Variants in LMO1 observed in about 807,000 individuals in gnomAD.
LMO1 encodes the protein LIM domain only 1.
Under a neutral mutation model 18.0 loss-of-function variants are expected in LMO1, and 10 were observed. The observed-to-expected ratio is 0.55, with a 90% CI of 0.34 to 0.94. The LOEUF (loss-of-function observed/expected upper bound fraction) is 0.94. Among genes scored for constraint, LMO1 ranks in the 40% least tolerant of loss-of-function variants. LMO1 has a pLI of 0.02. For missense variants in LMO1, 183 were observed against 205.7 expected (o/e 0.89, Z 0.68); for synonymous variants, 77 against 77.9 (o/e 0.99, Z 0.06).
Position 8,241,921 on chromosome 11 carries a change from A to G in LMO1, c.26-11417T>C, listed in dbSNP as rs115087334. Among the ~76,000 whole-genome samples, 313 of 152,290 alleles carry G rather than the reference A, an allele frequency of 2.1e-3. 3 individuals carry two copies. The highest frequency in any genetic ancestry group is 7.1e-3 in the African/African-American group (295 of 41,570). The stretch of plus-strand genomic sequence containing the variant: ...CCCAGTGTTGTGCCCCACAGCAGTC[A>G]TTGTTTAGCCATCAGCTCAATTCAT... On this transcript the variant is annotated intron_variant, in intron 1 of 3. Transcript: ENST00000335790.
chr11:8,244,203 A>G (rs1380970145), intron 1 of LMO1, among the ~76,000 whole-genome samples: 2 of 152,184 alleles, frequency 1.3e-5, no homozygotes, highest in Non-Finnish European at 1.5e-5. Context: ...GATCACATAT[A>G]GGAGAGGAGG....
At chr11:8,262,958 G>A (rs1267819717) in intron 1 of LMO1, among the ~76,000 whole-genome samples, 1 of 152,178 alleles carries the variant, frequency 6.6e-6, no homozygotes, top group Non-Finnish European at 1.5e-5. Flanking sequence ...TGATGGCTGC[G>A]GTGAGAGCAG....
intron 1 of LMO1, among the ~76,000 whole-genome samples, chr11:8,231,532 A>G (rs1335294313): frequency 6.6e-6 from 1 of 152,216 alleles, no homozygotes; most frequent in African/African-American, 2.4e-5. Context: ...AGGGAAGTGC[A>G]GAGGACCTCA....
intron 1 of LMO1, among the ~76,000 whole-genome samples, chr11:8,241,449 G>A (rs370923570): frequency 2.0e-5 from 3 of 152,198 alleles, no homozygotes; most frequent in Non-Finnish European, 4.4e-5. Flanking sequence ...CCAATGGCCT[G>A]AGAATAACAC....
Position 8,253,604 on chromosome 11 carries a change from C to T in LMO1, c.25+9734G>A, listed in dbSNP as rs1847040668. On this transcript the variant is annotated intron_variant, in intron 1 of 3. Transcript: ENST00000335790. ...CGCAGGTAGCCCCACACAGTCCTTC[C>T]TGGATACTGTCGTCAGGATTGGGGT... Among the ~76,000 whole-genome samples the T allele has an allele frequency of 3.3e-5, 5 of 152,156 alleles. No individual in the cohort carries two copies. The South Asian group carries it at 1.0e-3, about 32-fold the overall frequency.
chr11:8,258,027 C>T lies in LMO1; in HGVS notation c.25+5311G>A, dbSNP rs113957556. On this transcript the variant is annotated intron_variant, in intron 1 of 3. Transcript: ENST00000335790. ...GATATGGCTGTTCTCACTGTAGAGA[C>T]GAGAAGGTAGAGAGGCAAAGGTTTG... Among the ~76,000 whole-genome samples the T allele has an allele frequency of 4.2e-3, 633 of 152,240 alleles. 3 individuals carry two copies. Among genetic ancestry groups the T allele is most frequent in the Non-Finnish European group, 7.1e-3 (485 of 68,028 alleles).
intron 1 of LMO1, among the ~76,000 whole-genome samples, chr11:8,230,779 C>T (rs548018048): frequency 6.6e-6 from 1 of 152,354 alleles, no homozygotes; most frequent in South Asian, 2.1e-4. Context: ...GGCCTGGCCT[C>T]CCTGAGTTGT....
intron 3 of LMO1, among the ~76,000 whole-genome samples, chr11:8,225,561 A>G (rs1193817050): frequency 6.6e-6 from 1 of 152,024 alleles, no homozygotes; most frequent in African/African-American, 2.4e-5. Context: ...AGTTACCTAG[A>G]GCATCCTTCT....
intron 1 of LMO1, among the ~76,000 whole-genome samples, chr11:8,240,866 G>T (rs1846778772): frequency 6.6e-6 from 1 of 152,142 alleles, no homozygotes; most frequent in African/African-American, 2.4e-5. Context: ...AGTGATTCTG[G>T]AGCAGGTGTA....
intron 1 of LMO1, among the ~76,000 whole-genome samples, chr11:8,256,745 G>A (rs1847105470): frequency 6.6e-6 from 1 of 152,236 alleles, no homozygotes; most frequent in Admixed American, 6.5e-5. Flanking sequence ...GAAAGGGCAT[G>A]CCAGGCAAGG....
In LMO1 at chr11:8,224,662, T is replaced by C. The variant is rs1395142340; in HGVS notation, c.425A>G (p.Tyr142Cys). The C allele has an allele frequency of 1.2e-5, 20 of 1,611,366 alleles. No homozygotes were observed. The highest frequency in any genetic ancestry group is 1.6e-5 in the Non-Finnish European group (19 of 1,178,714). Residue 142 changes from tyrosine to cysteine, a missense_variant, in exon 4 of 4, where the codon TAT (tyrosine) becomes TGT (cysteine). Transcript: ENST00000335790. ...GGTGCCATTGAGCTGCCCTTCCTCA[T>C]AGTCCATCTGACACAAGATCATGTT... ...KNNMILCQMD[Y>C]EEGQLNGTFE...
At chr11:8,227,331 G>C (rs1952566824) in intron 2 of LMO1, among the ~76,000 whole-genome samples, 2 of 152,186 alleles carry the variant, frequency 1.3e-5, no homozygotes, top group Admixed American at 1.3e-4. Context: ...AGGGGGTCAG[G>C]AGTTGGCTGC....
chr11:8,268,722 C>T (rs772582798), upstream of LMO1: 2 of 231,480 alleles, frequency 8.6e-6, no homozygotes, highest in Admixed American at 5.7e-5. Context: ...CGGGCCGGGC[C>T]GCAGCCGGAG....
intron 1 of LMO1, among the ~76,000 whole-genome samples, chr11:8,251,154 C>T (rs1260303428): frequency 1.3e-5 from 2 of 152,164 alleles, no homozygotes; most frequent in East Asian, 1.9e-4. Context: ...GTCATGTCTC[C>T]ATATATGGCA....
chr11:8,246,327 G>A (rs1846893536), intron 1 of LMO1, among the ~76,000 whole-genome samples: 1 of 152,000 alleles, frequency 6.6e-6, no homozygotes, highest in African/African-American at 2.4e-5. Context: ...AATAAAACAT[G>A]GTATATACAT....
At chr11:8,226,179 T>C (rs553011379) in intron 3 of LMO1, among the ~76,000 whole-genome samples, 24 of 152,158 alleles carry the variant, frequency 1.6e-4, no homozygotes, top group Admixed American at 5.2e-4. Flanking sequence ...GGATACGTTA[T>C]CCCATGCACA....
rs373948501 is a variant in LMO1, at chr11:8,230,412, A to C, written c.118T>G (p.Leu40Val). Reference protein sequence around the residue: ...KIKDRYLLKALDKYWHEDCLK... With the variant: ...KIKDRYLLKAVDKYWHEDCLK... Reference sequence around the variant, plus strand: ...CAGTCTTCGTGCCAGTACTTGTCCAATGCCTTCAGCAGATAGCGGTCCTTG... The same window carrying C: ...CAGTCTTCGTGCCAGTACTTGTCCACTGCCTTCAGCAGATAGCGGTCCTTG... Residue 40 changes from leucine to valine, a missense_variant, in exon 2 of 4, where the codon TTG (leucine) becomes GTG (valine). Physicochemically the swap from Leu to Val is conservative, Grantham distance 32. Coordinates refer to ENST00000335790, the MANE Select transcript of LMO1 (RefSeq NM_002315.3). The C allele has an allele frequency of 6.2e-7, 1 of 1,614,112 alleles. No individual in the cohort carries two copies. The highest frequency in any genetic ancestry group is 8.5e-7 in the Non-Finnish European group (1 of 1,179,958).
chr11:8,242,145 G>C (rs1846805649), intron 1 of LMO1, among the ~76,000 whole-genome samples: 1 of 152,192 alleles, frequency 6.6e-6, no homozygotes, highest in African/African-American at 2.4e-5. Context: ...CAGCTCCTGG[G>C]TCATGGCTGC....
chr11:8,229,055 AT>A (rs35607958), intron 2 of LMO1, among the ~76,000 whole-genome samples: 10,793 of 145,434 alleles, frequency 0.074, 539 homozygotes, highest in African/African-American at 0.15. Flanking sequence ...CACCTGGCTA[AT>A]TTTTTTTTTT....
Sources: allele counts gnomAD v4.1 joint callset (sites outside exome capture counted in the v4.1 genomes callset), GRCh38; gene constraint gnomAD v4.1.1; transcripts MANE v1.5; gene names NCBI Gene and HGNC (gene_info 2026-07-23, HGNC 2026-07-21).